The following SGCZ variants were observed in gnomAD, a reference collection of about 807,000 sequenced individuals.
SGCZ encodes sarcoglycan zeta.
SGCZ carries 40 observed loss-of-function variants against 41.3 expected under a neutral mutation model. That is an observed-to-expected ratio of 0.97 (90% confidence interval 0.75 to 1.26). The LOEUF (loss-of-function observed/expected upper bound fraction) is 1.26, where lower values mean the gene tolerates loss of function less well. Among genes scored for constraint, SGCZ ranks in the 50% most tolerant of loss-of-function variants. The probability of loss-of-function intolerance (pLI) is 0.00; values close to 1 mark genes in which losing one functional copy is unlikely to be tolerated. For missense variants in SGCZ, 552 were observed against 369.8 expected (o/e 1.49, Z -4.04); for synonymous variants, 206 against 137.5 (o/e 1.50, Z -3.49).
At position 14,573,014 on chromosome 8, in the gene SGCZ, T is replaced by C. The variant is rs113646448; in HGVS notation, c.40-18088A>G. ...GTTCATTTGTTACAGATTTAGTATC[T>C]ATAAAGAAATATGCAAATGAATGTA... On this transcript the variant is annotated intron_variant, in intron 1 of 7. Coordinates refer to ENST00000382080, the MANE Select transcript of SGCZ (RefSeq NM_139167.4). Among the ~76,000 whole-genome samples the C allele has an allele frequency of 5.3e-5, 8 of 152,308 alleles. 1 individual carries two copies. The highest frequency in any genetic ancestry group is 1.9e-4 in the African/African-American group (8 of 41,552).
chr8:14,380,874 A>C (rs1841648), intron 2 of SGCZ, among the ~76,000 whole-genome samples: 8,971 of 152,130 alleles, frequency 0.059, 364 homozygotes, highest in Admixed American at 0.12. Context: ...AACAAACAAA[A>C]AAAAAAATTG....
intron 1 of SGCZ, among the ~76,000 whole-genome samples, chr8:15,133,582 T>C (rs1807995652): frequency 1.3e-5 from 2 of 152,352 alleles, no homozygotes; most frequent in Non-Finnish European, 2.9e-5. Context: ...GTCAGATTCA[T>C]TTGCAGTATC....
At chr8:15,232,911 C>G (rs1286003841) in intron 1 of SGCZ, among the ~76,000 whole-genome samples, 1 of 150,944 alleles carries the variant, frequency 6.6e-6, no homozygotes, top group East Asian at 1.9e-4. Flanking sequence ...TAATTTTTTC[C>G]ACATTATAGA....
At chr8:14,885,117 C>T (rs1221407446) in intron 1 of SGCZ, among the ~76,000 whole-genome samples, 2 of 152,188 alleles carry the variant, frequency 1.3e-5, no homozygotes, top group Non-Finnish European at 2.9e-5. Flanking sequence ...CCCAGGTGGG[C>T]TTTCACAACC....
chr8:14,135,499 T>G (rs1286228277), intron 5 of SGCZ, among the ~76,000 whole-genome samples: 1 of 152,102 alleles, frequency 6.6e-6, no homozygotes, highest in Non-Finnish European at 1.5e-5. Context: ...CTATCTTGAG[T>G]AGTCATGGGC....
chr8:14,874,785 T>C (rs1327036662), intron 1 of SGCZ, among the ~76,000 whole-genome samples: 4 of 152,148 alleles, frequency 2.6e-5, no homozygotes, highest in Admixed American at 1.3e-4. Context: ...TTGTGTTAGA[T>C]GAAATTATAA....
At chr8:14,411,996 T>C (rs1383165502) in intron 2 of SGCZ, among the ~76,000 whole-genome samples, 6 of 152,114 alleles carry the variant, frequency 3.9e-5, no homozygotes, top group Non-Finnish European at 7.4e-5. Context: ...TGCTCTCTTC[T>C]TAAATGCAAG....
intron 1 of SGCZ, among the ~76,000 whole-genome samples, chr8:15,198,103 T>G (rs2117127254): frequency 6.7e-6 from 1 of 149,440 alleles, no homozygotes; most frequent in South Asian, 2.1e-4. Context: ...GATTTATAAT[T>G]AATGATATAA....
rs73521100 is a variant in SGCZ, at chr8:15,043,045, G to A, written c.39+194540C>T. Among the ~76,000 whole-genome samples the A allele has an allele frequency of 1.5e-3, 224 of 152,252 alleles. 1 individual carries two copies. The highest frequency in any genetic ancestry group is 4.9e-3 in the African/African-American group (204 of 41,548). ...CCTCACCACCTAACCTTTAACCCAT[G>A]GAGCACCACTGTCATGGTAACACTC... On this transcript the variant is annotated intron_variant, in intron 1 of 7. Coordinates refer to ENST00000382080, the MANE Select transcript of SGCZ (RefSeq NM_139167.4).
At chr8:15,094,173 C>A (rs1210251832) in intron 1 of SGCZ, among the ~76,000 whole-genome samples, 1 of 151,368 alleles carries the variant, frequency 6.6e-6, no homozygotes, top group South Asian at 2.1e-4. Flanking sequence ...CTCACTCTGT[C>A]GCCCAGGATG....
intron 2 of SGCZ, among the ~76,000 whole-genome samples, chr8:14,461,793 A>T (rs926779557): frequency 6.6e-6 from 1 of 152,060 alleles, no homozygotes; most frequent in African/African-American, 2.4e-5. Context: ...CACTTCTTAT[A>T]AAAAAATTCT....
chr8:14,384,231 T>G (rs1804484144), intron 2 of SGCZ, among the ~76,000 whole-genome samples: 1 of 152,096 alleles, frequency 6.6e-6, no homozygotes, highest in Non-Finnish European at 1.5e-5. Flanking sequence ...TTTTTTGTCC[T>G]TGCGATAGTT....
chr8:15,146,622 T>C (rs1231157990), intron 1 of SGCZ, among the ~76,000 whole-genome samples: 3 of 152,230 alleles, frequency 2.0e-5, no homozygotes. Flanking sequence ...TTGTTTTCTA[T>C]ATGAAGATAA....
At chr8:14,626,369 C>G (rs562376261) in intron 1 of SGCZ, among the ~76,000 whole-genome samples, 1 of 152,110 alleles carries the variant, frequency 6.6e-6, no homozygotes, top group South Asian at 2.1e-4. Context: ...TGTGTTCTTA[C>G]TGTTTAGTTC....
chr8:15,034,701 G>A (rs1171118187), intron 1 of SGCZ, among the ~76,000 whole-genome samples: 1 of 152,080 alleles, frequency 6.6e-6, no homozygotes, highest in African/African-American at 2.4e-5. Flanking sequence ...AGAGGACCCT[G>A]AAAGCAGCAT....
Position 14,090,321 on chromosome 8 carries a change from G to A in SGCZ, c.*122C>T. ...GTGGTGGCGAATCCCTGCTCACACT[G>A]GAAGTTGCTCTGTGGACCATTCGAA... On this transcript the variant is annotated 3_prime_UTR_variant, in exon 8 of 8. Transcript: ENST00000382080. The A allele has an allele frequency of 1.0e-6, 1 of 972,620 alleles. No homozygotes were observed. 60.2% of individuals were successfully genotyped at this position (972,620 alleles called of 1,614,324 possible). A position where few individuals can be genotyped will look rare whatever the true frequency, so the allele number is the denominator to read the frequency against.
chr8:14,349,874 C>T (rs1803023619), intron 2 of SGCZ, among the ~76,000 whole-genome samples: 1 of 152,016 alleles, frequency 6.6e-6, no homozygotes, highest in Admixed American at 6.6e-5. Flanking sequence ...TCATATATCC[C>T]TTTTACAGAC....
chr8:14,732,988 C>A (rs181410140), intron 1 of SGCZ, among the ~76,000 whole-genome samples: 1 of 152,108 alleles, frequency 6.6e-6, no homozygotes, highest in Non-Finnish European at 1.5e-5. Flanking sequence ...CATGTATTAA[C>A]CTCGTGTTTC....
chr8:14,556,807 G>T (rs1291594443), intron 1 of SGCZ, among the ~76,000 whole-genome samples: 1 of 152,010 alleles, frequency 6.6e-6, no homozygotes, highest in Non-Finnish European at 1.5e-5. Context: ...GTATTCCACT[G>T]TACATATATA....
Sources: allele counts gnomAD v4.1 joint callset (sites outside exome capture counted in the v4.1 genomes callset), GRCh38; gene constraint gnomAD v4.1.1; transcripts MANE v1.5; gene names NCBI Gene and HGNC (gene_info 2026-07-23, HGNC 2026-07-21).